Variants in CXADR observed in about 807,000 individuals in gnomAD.
The protein encoded by CXADR is coxsackievirus and adenovirus receptor.
A neutral mutation model predicts 40.3 loss-of-function variants in CXADR; 20 were observed. The observed-to-expected ratio is 0.50, with a 90% CI of 0.35 to 0.72. The LOEUF (loss-of-function observed/expected upper bound fraction) is 0.72, where lower values mean the gene tolerates loss of function less well. Ranked by LOEUF, CXADR falls within the 30% of genes least tolerant of loss-of-function variation. CXADR has a pLI of 0.01. For missense variants in CXADR, 332 were observed against 449.1 expected (o/e 0.74, Z 2.36); for synonymous variants, 150 against 161.3 (o/e 0.93, Z 0.53).
At chr21:17,618,267 C>T in the CXADR span, among the ~76,000 whole-genome samples, 2 of 152,174 alleles carry the variant, frequency 1.3e-5, no homozygotes, top group African/African-American at 2.4e-5. Context: ...ACTTCTAATT[C>T]TAATTCTCTT....
intron 1 of CXADR, 93 bp from the exon 2 acceptor site, chr21:17,546,934 G>T (rs953415729): frequency 6.9e-7 from 1 of 1,454,592 alleles, no homozygotes; most frequent in Non-Finnish European, 9.4e-7. Flanking sequence ...TGTATCCCTC[G>T]CATCAATGTG....
At chr21:17,597,134 C>T (rs141845022), downstream of CXADR, among the ~76,000 whole-genome samples, 236 of 152,094 alleles carry the variant, frequency 1.6e-3, 2 homozygotes, top group African/African-American at 5.5e-3. Flanking sequence ...TAAGAGACAC[C>T]TCAATTTCCA....
rs1449129169 is a variant in CXADR at position 17,567,027 on chromosome 21, T to A, written c.*1335T>A. ...ACTCCTCCTTGCCAAATGTGCTAAA[T>A]ATCATTTTAGGAGAAGAAAGTGGGT... is the stretch of plus-strand genomic sequence containing the variant. On this transcript the variant is annotated 3_prime_UTR_variant, in exon 7 of 7. Coordinates refer to ENST00000284878, the MANE Select transcript of CXADR (RefSeq NM_001338.5). The A allele has an allele frequency of 5.1e-6, 5 of 981,732 alleles. No homozygotes were observed. Among genetic ancestry groups the A allele is most frequent in the Non-Finnish European group, 6.0e-6 (5 of 826,800 alleles). 60.8% of individuals were successfully genotyped at this position (981,732 alleles called of 1,614,324 possible). A position where few individuals can be genotyped will look rare whatever the true frequency, so the allele number is the denominator to read the frequency against.
At position 17,560,807 on chromosome 21, in the gene CXADR, G is replaced by C. The variant is rs747606055; in HGVS notation, c.677G>C (p.Arg226Pro). 6 of 1,613,538 alleles carry C rather than the reference G, an allele frequency of 3.7e-6. No homozygotes were observed. Among genetic ancestry groups the C allele is most frequent in the Non-Finnish European group, 5.1e-6 (6 of 1,179,716 alleles). The part of the protein sequence containing the change: ...NRVGSDQCLL[R>P]LNVVPPSNKA... ...GTGGGCTCTGATCAGTGCCTGTTGC[G>C]TCTAAACGTTGTCCCTCGTAAGTTA... The change falls in exon 5 of 7, where the codon CGT (arginine) becomes CCT (proline). Residue 226 changes from arginine to proline, a missense_variant. Arg to Pro is a moderately radical substitution (Grantham distance 103). Transcript: ENST00000284878.
chr21:17,566,346 G>A lies in CXADR; in HGVS notation c.*654G>A. 1.0e-6 allele frequency: 1 copy of A among 984,188 alleles called. No individual in the cohort carries two copies. The highest frequency in any genetic ancestry group is 1.2e-6 in the Non-Finnish European group (1 of 828,872). The allele number at this position is 984,188 out of a possible 1,614,324, so 61.0% of individuals were successfully genotyped here. ...GTTGATAGACTGCTACAGGTAATAG[G>A]GACTTAGCAAGCTCTTTTATATGCT... On this transcript the variant is annotated 3_prime_UTR_variant, in exon 7 of 7. Transcript: ENST00000284878.
chr21:17,575,825 C>T (rs377594974), intron 7 of CXADR, among the ~76,000 whole-genome samples: 6 of 151,442 alleles, frequency 4.0e-5, no homozygotes, highest in East Asian at 2.0e-4. Context: ...CAGTGGCTCA[C>T]GCCTGTAATC....
At chr21:17,516,672 C>G (rs1004827307) in intron 1 of CXADR, among the ~76,000 whole-genome samples, 1 of 152,088 alleles carries the variant, frequency 6.6e-6, no homozygotes, top group East Asian at 1.9e-4. Flanking sequence ...AATGGGGATC[C>G]TGGAGCAGGT....
intron 3 of CXADR, among the ~76,000 whole-genome samples, chr21:17,555,399 A>C (rs1431830259): frequency 2.0e-5 from 3 of 152,310 alleles, no homozygotes; most frequent in Non-Finnish European, 4.4e-5. Flanking sequence ...TTTTAGTTTT[A>C]TGGAAAAGTT....
At chr21:17,562,664 T>C (rs2061140486) in intron 6 of CXADR, among the ~76,000 whole-genome samples, 1 of 152,218 alleles carries the variant, frequency 6.6e-6, no homozygotes, top group Non-Finnish European at 1.5e-5. Context: ...TAGAAGTCTG[T>C]TTTGTCTCTA....
chr21:17,513,098 C>T lies in CXADR; in HGVS notation c.-32C>T, dbSNP rs1483637642. On this transcript the variant is annotated 5_prime_UTR_variant, in exon 1 of 7. Coordinates refer to ENST00000284878, the MANE Select transcript of CXADR (RefSeq NM_001338.5). ...GGGACCAGGAGCGAGAGCCGCCTACCTGCAGCCGCCGCCCACGGCACGGCA... is the reference window on the plus strand; with the variant it reads ...GGGACCAGGAGCGAGAGCCGCCTACTTGCAGCCGCCGCCCACGGCACGGCA... The T allele has an allele frequency of 5.1e-5, 69 of 1,345,366 alleles. No homozygotes were observed. The highest frequency in any genetic ancestry group is 6.1e-5 in the Non-Finnish European group (64 of 1,046,424). 83.3% of individuals were successfully genotyped at this position (1,345,366 alleles called of 1,614,324 possible).
chr21:17,553,167 C>T (rs1328828127), intron 3 of CXADR, among the ~76,000 whole-genome samples: 2 of 152,190 alleles, frequency 1.3e-5, no homozygotes, highest in Non-Finnish European at 1.5e-5. Flanking sequence ...AGGTGATCCA[C>T]CCACCTCGGC....
intron 7 of CXADR, among the ~76,000 whole-genome samples, chr21:17,589,053 T>C (rs2061416997): frequency 6.6e-6 from 1 of 152,078 alleles, no homozygotes; most frequent in African/African-American, 2.4e-5. Flanking sequence ...CTTTCACTTT[T>C]CTTTTTTGCA....
At chr21:17,606,415 T>C in the CXADR span, among the ~76,000 whole-genome samples, 5 of 152,148 alleles carry the variant, frequency 3.3e-5, no homozygotes, top group Non-Finnish European at 5.9e-5. Context: ...GAAAAATTAT[T>C]TTCTAGTATG....
At chr21:17,571,383 C>T (rs1356200710), downstream of CXADR, among the ~76,000 whole-genome samples, 1 of 152,118 alleles carries the variant, frequency 6.6e-6, no homozygotes, top group South Asian at 2.1e-4. Context: ...TTCAAGGAAT[C>T]GAGATTACAG....
intron 2 of CXADR, among the ~76,000 whole-genome samples, chr21:17,551,359 C>T (rs192222635): frequency 6.6e-6 from 1 of 152,282 alleles, no homozygotes; most frequent in East Asian, 1.9e-4. Context: ...CACCATTGCA[C>T]TCCAGCCTGG....
In CXADR at chr21:17,566,140, C is replaced by G. The variant is rs2061205645; in HGVS notation, c.*448C>G. The G allele has an allele frequency of 1.0e-6, 1 of 984,248 alleles. No individual in the cohort carries two copies. Among genetic ancestry groups the G allele is most frequent in the African/African-American group, 1.7e-5 (1 of 57,202 alleles). The allele number at this position is 984,248 out of a possible 1,614,324, so 61.0% of individuals were successfully genotyped here. ...CCCACCAGTCTCCCCCAAATTAGTA[C>G]AGAAATATCCATGACAAAATTACTT... On this transcript the variant is annotated 3_prime_UTR_variant, in exon 7 of 7. Coordinates refer to ENST00000284878, the MANE Select transcript of CXADR (RefSeq NM_001338.5).
chr21:17,586,401 G>GTA (rs71189554), intron 7 of CXADR, among the ~76,000 whole-genome samples: 48,929 of 145,146 alleles, frequency 0.34, 8,351 homozygotes, highest in East Asian at 0.4. Context: ...TATATAATGT[G>GTA]TATATATATA....
chr21:17,561,512 CA>C, intron 6 of CXADR, 36 bp downstream of exon 6: 1 of 1,537,030 alleles, frequency 6.5e-7, no homozygotes, highest in Non-Finnish European at 8.9e-7. Context: ...TGATGTATAC[CA>C]AATATATGTC....
At chr21:17,582,707 AGT>A (rs1000870848) in intron 7 of CXADR, among the ~76,000 whole-genome samples, 3 of 152,240 alleles carry the variant, frequency 2.0e-5, no homozygotes, top group African/African-American at 7.2e-5. Flanking sequence ...TCGCCATAAC[AGT>A]GTGTCTCCTT....
Sources: allele counts gnomAD v4.1 joint callset (sites outside exome capture counted in the v4.1 genomes callset), GRCh38; gene constraint gnomAD v4.1.1; transcripts MANE v1.5; gene names NCBI Gene and HGNC (gene_info 2026-07-23, HGNC 2026-07-21).